The following SLC25A16 variants were observed in gnomAD, a reference collection of about 807,000 sequenced individuals.
The protein encoded by SLC25A16 is solute carrier family 25 member 16.
In SLC25A16, 39 loss-of-function variants were observed where a neutral mutation model predicts 41.5. The observed-to-expected ratio is 0.94, with a 90% confidence interval of 0.73 to 1.23. SLC25A16 has a LOEUF of 1.23. Among genes scored for constraint, SLC25A16 ranks in the 50% most tolerant of loss-of-function variants. SLC25A16 has a pLI of 0.00. For missense variants in SLC25A16, 421 were observed against 426.9 expected (o/e 0.99, Z 0.12); for synonymous variants, 146 against 147.8 (o/e 0.99, Z 0.09).
chr10:68,508,739 A>G (rs1483305488), intron 2 of SLC25A16, among the ~76,000 whole-genome samples: 4 of 152,070 alleles, frequency 2.6e-5, no homozygotes, highest in Admixed American at 6.6e-5. Context: ...GAATTCTATT[A>G]AAACTTCCTT....
chr10:68,506,766 C>T (rs2275715), intron 2 of SLC25A16, 48 bp from the exon 3 acceptor site: 242,802 of 1,246,140 alleles, frequency 0.19, 26,458 homozygotes, highest in Admixed American at 0.39. Context: ...ATTATCTAAA[C>T]CTAAATTTTC....
rs1220732793 is a variant in SLC25A16, at chr10:68,490,308, ATAT to A, written c.611-1682_611-1680del. Among the ~76,000 whole-genome samples, 5 of 151,830 alleles carry A rather than the reference ATAT, an allele frequency of 3.3e-5. No individual in the cohort carries two copies. The East Asian group carries it at 7.7e-4, about 24-fold the overall frequency. On this transcript the variant is annotated intron_variant, in intron 6 of 8. Transcript: ENST00000609923. ...TGTCAAAGAAACAAACTCTGCACTA[ATAT>A]TATTTTTTTAAGATGACTGGGAAAA...
chr10:68,501,549 G>A (rs1171216627), intron 4 of SLC25A16, among the ~76,000 whole-genome samples: 1 of 149,800 alleles, frequency 6.7e-6, no homozygotes, highest in Middle Eastern at 3.2e-3. Flanking sequence ...GAGGAGAGGA[G>A]AGAATGAGGG....
chr10:68,517,446 C>T (rs900562666), intron 1 of SLC25A16: 2 of 156,408 alleles, frequency 1.3e-5, no homozygotes, highest in Non-Finnish European at 2.8e-5. Context: ...GCCCTTCGAG[C>T]TTGGCATGCT....
At chr10:68,492,724 G>A (rs998700890) in intron 6 of SLC25A16, among the ~76,000 whole-genome samples, 2 of 151,982 alleles carry the variant, frequency 1.3e-5, no homozygotes, top group African/African-American at 4.8e-5. Flanking sequence ...GGTAATAAAT[G>A]GAGATTAGAG....
Position 68,506,630 on chromosome 10 carries a change from A to G in SLC25A16, c.312T>C (p.Phe104=). ...CCATAAACTGGATTGCACCATAGGG[A>G]AAGATTCGAATCATCATTGCACCAT... ...KGNGAMMIRI[F]PYGAIQFMAF... Residue 104 remains phenylalanine, a synonymous_variant, in exon 3 of 9, where the codon TTT becomes TTC. Coordinates refer to ENST00000609923, the MANE Select transcript of SLC25A16 (RefSeq NM_152707.4). 6.2e-7 allele frequency: 1 copy of G among 1,605,978 alleles called. No homozygotes were observed. Among genetic ancestry groups the G allele is most frequent in the Non-Finnish European group, 8.5e-7 (1 of 1,176,226 alleles).
At chr10:68,515,300 T>C (rs1333361011) in intron 2 of SLC25A16, among the ~76,000 whole-genome samples, 1 of 147,506 alleles carries the variant, frequency 6.8e-6, no homozygotes, top group Non-Finnish European at 1.5e-5. Flanking sequence ...GAGGTTGTGG[T>C]GAGCCGAGAT....
intron 3 of SLC25A16, among the ~76,000 whole-genome samples, chr10:68,506,232 G>T (rs2052951426): frequency 6.6e-6 from 1 of 152,028 alleles, no homozygotes; most frequent in Non-Finnish European, 1.5e-5. Context: ...ACTTTGGGAG[G>T]CCAGGAGTTT....
At chr10:68,513,056 A>T (rs2053094954) in intron 2 of SLC25A16, among the ~76,000 whole-genome samples, 1 of 151,928 alleles carries the variant, frequency 6.6e-6, no homozygotes, top group African/African-American at 2.4e-5. Flanking sequence ...AAAACAAAAC[A>T]AAATGTTGGC....
chr10:68,490,278 C>T (rs1244176378), intron 6 of SLC25A16, among the ~76,000 whole-genome samples: 1 of 151,892 alleles, frequency 6.6e-6, no homozygotes, highest in Admixed American at 6.6e-5. Context: ...CACAGCGAGA[C>T]TCTATGTCAA....
chr10:68,488,887 A>G (rs938889617), intron 6 of SLC25A16, among the ~76,000 whole-genome samples: 1 of 151,992 alleles, frequency 6.6e-6, no homozygotes, highest in Non-Finnish European at 1.5e-5. Flanking sequence ...TTATATGTGG[A>G]AAAAAAACAA....
At chr10:68,498,526 C>T (rs889365465) in intron 4 of SLC25A16, among the ~76,000 whole-genome samples, 17 of 151,394 alleles carry the variant, frequency 1.1e-4, no homozygotes, top group Non-Finnish European at 2.2e-4. Flanking sequence ...ATTTTTCTGT[C>T]TCTACAAAAA....
At chr10:68,519,226 TG>T (rs2053211286) in intron 1 of SLC25A16, among the ~76,000 whole-genome samples, 1 of 151,872 alleles carries the variant, frequency 6.6e-6, no homozygotes, top group Admixed American at 6.6e-5. Flanking sequence ...CAGTGGCTCA[TG>T]CCTGTAATCC....
intron 4 of SLC25A16, chr10:68,496,736 A>T: frequency 1.1e-6 from 1 of 907,478 alleles, no homozygotes. Context: ...ACCAGCAATT[A>T]CATTAGAAAT....
chr10:68,495,781 CAAAAAAA>C (rs60845242), intron 4 of SLC25A16, among the ~76,000 whole-genome samples: 3 of 89,632 alleles, frequency 3.3e-5, no homozygotes, highest in Admixed American at 1.4e-4. Context: ...GACTATGTCT[CAAAAAAA>C]AAAAAAAAAA....
chr10:68,495,982 T>C (rs2052744644), intron 4 of SLC25A16, among the ~76,000 whole-genome samples: 1 of 152,222 alleles, frequency 6.6e-6, no homozygotes, highest in East Asian at 1.9e-4. Flanking sequence ...TGAGCTAACA[T>C]ATGTAAATGC....
At chr10:68,495,544 G>A (rs1375750230) in intron 4 of SLC25A16, among the ~76,000 whole-genome samples, 1 of 152,122 alleles carries the variant, frequency 6.6e-6, no homozygotes, top group African/African-American at 2.4e-5. Flanking sequence ...AGCACTTTGG[G>A]AGGCCAAGGT....
rs1590087748 is a variant in SLC25A16 at position 68,483,552 on chromosome 10, G to T, written c.879C>A (p.His293Gln). ...GATAGAGTCCTTTTCGAATTCCATG[G>T]TGTCCATAGACATACTTCATAGTAT... The part of the protein sequence containing the change: ...MRDTMKYVYG[H>Q]HGIRKGLYRG... Residue 293 changes from histidine to glutamine, a missense_variant, in exon 9 of 9, where the codon CAC becomes CAA. By Grantham distance (24) the His-to-Gln change is conservative (BLOSUM62 0). Transcript: ENST00000609923. The T allele has an allele frequency of 3.7e-6, 6 of 1,611,424 alleles. No individual in the cohort carries two copies. Among genetic ancestry groups the T allele is most frequent in the Non-Finnish European group, 5.1e-6 (6 of 1,178,530 alleles).
intron 8 of SLC25A16, among the ~76,000 whole-genome samples, chr10:68,484,953 C>T (rs1443056737): frequency 5.3e-5 from 8 of 151,922 alleles, no homozygotes; most frequent in East Asian, 3.9e-4. Flanking sequence ...CAAATCAAGA[C>T]GTGCTGTGAG....
Sources: gnomAD v4.1 joint callset for allele counts (sites outside exome capture counted in the v4.1 genomes callset) on GRCh38, gnomAD v4.1.1 for gene constraint, MANE v1.5 for transcripts, NCBI Gene and HGNC (gene_info 2026-07-23, HGNC 2026-07-21) for gene names.